RSU1: variants seen among roughly 807,000 people sequenced by gnomAD.
The protein encoded by RSU1 is Ras suppressor protein 1.
Under a neutral mutation model 31.1 loss-of-function variants are expected in RSU1, and 26 were observed. The observed-to-expected ratio is 0.84, with a 90% CI of 0.61 to 1.16. RSU1 has a LOEUF of 1.16. RSU1 is among the 50% of genes most tolerant of loss of function. The pLI is 0.00. For missense variants in RSU1, 320 were observed against 339.1 expected (o/e 0.94, Z 0.44); for synonymous variants, 164 against 136.3 (o/e 1.20, Z -1.41).
chr10:16,674,149 G>T (rs537575494), intron 8 of RSU1, among the ~76,000 whole-genome samples: 1 of 152,134 alleles, frequency 6.6e-6, no homozygotes, highest in East Asian at 1.9e-4. Flanking sequence ...GTCTGTTTTT[G>T]TTTTGTTCCC....
chr10:16,690,094 C>A (rs1835515034), intron 8 of RSU1, among the ~76,000 whole-genome samples: 1 of 152,170 alleles, frequency 6.6e-6, no homozygotes, highest in African/African-American at 2.4e-5. Context: ...CCCCCTTTCA[C>A]AAAGAATCTT....
At chr10:16,757,383 C>T (rs1837118319) in intron 4 of RSU1, among the ~76,000 whole-genome samples, 2 of 152,130 alleles carry the variant, frequency 1.3e-5, no homozygotes, top group South Asian at 2.1e-4. Flanking sequence ...TCACCAGAAA[C>T]AGCTGACAGC....
chr10:16,713,153 C>A (rs1216803662), intron 7 of RSU1, among the ~76,000 whole-genome samples: 1 of 152,094 alleles, frequency 6.6e-6, no homozygotes, highest in Non-Finnish European at 1.5e-5. Flanking sequence ...CTGTCTTTAA[C>A]TTTTGAGAGT....
At chr10:16,675,131 A>G (rs995706936) in intron 8 of RSU1, among the ~76,000 whole-genome samples, 5 of 146,868 alleles carry the variant, frequency 3.4e-5, no homozygotes, top group Admixed American at 2.1e-4. Context: ...GCTTGAATCC[A>G]GGAGGCGGAG....
chr10:16,792,962 T>A (rs1166587847), intron 2 of RSU1, among the ~76,000 whole-genome samples: 2 of 152,268 alleles, frequency 1.3e-5, no homozygotes, highest in African/African-American at 4.8e-5. Flanking sequence ...CCATGTCGCA[T>A]GGCTGAAGTT....
chr10:16,643,168 A>G (rs1478250434), intron 8 of RSU1, among the ~76,000 whole-genome samples: 1 of 152,206 alleles, frequency 6.6e-6, no homozygotes, highest in Non-Finnish European at 1.5e-5. Context: ...AGTAATGCCC[A>G]GCTATGGGGG....
intron 7 of RSU1, among the ~76,000 whole-genome samples, chr10:16,710,280 C>G (rs1680837534): frequency 6.6e-6 from 1 of 152,138 alleles, no homozygotes; most frequent in African/African-American, 2.4e-5. Flanking sequence ...GTTTTTGTCT[C>G]TTTTTGTTAA....
chr10:16,664,806 ACTT>A (rs1834957766), intron 8 of RSU1, among the ~76,000 whole-genome samples: 2 of 152,174 alleles, frequency 1.3e-5, no homozygotes, highest in African/African-American at 4.8e-5. Context: ...CCGGAAATAA[ACTT>A]CTCTTTACCA....
chr10:16,597,094 T>C (rs1045048170), intron 8 of RSU1, among the ~76,000 whole-genome samples: 5 of 151,844 alleles, frequency 3.3e-5, no homozygotes, highest in Non-Finnish European at 5.9e-5. Flanking sequence ...AATACCCGAG[T>C]GTAAGGAAAG....
intron 8 of RSU1, among the ~76,000 whole-genome samples, chr10:16,670,091 G>C (rs1835077883): frequency 6.6e-6 from 1 of 152,220 alleles, no homozygotes; most frequent in South Asian, 2.1e-4. Context: ...TCAGGCCCAT[G>C]TAGTGCAAAT....
At chr10:16,806,709 T>C (rs813601) in intron 2 of RSU1, among the ~76,000 whole-genome samples, 23,155 of 152,136 alleles carry the variant, frequency 0.15, 2,249 homozygotes, top group East Asian at 0.31. Context: ...ATAAATTACA[T>C]AGGCATCTTT....
intron 8 of RSU1, among the ~76,000 whole-genome samples, chr10:16,657,780 G>T (rs1392414245): frequency 6.6e-6 from 1 of 151,972 alleles, no homozygotes; most frequent in Admixed American, 6.6e-5. Flanking sequence ...ATCACTTGAG[G>T]CCAGGAATTC....
At chr10:16,765,229 C>T (rs545557842) in intron 3 of RSU1, among the ~76,000 whole-genome samples, 1 of 152,230 alleles carries the variant, frequency 6.6e-6, no homozygotes, top group South Asian at 2.1e-4. Context: ...AAGCTGTCCT[C>T]TTAACATTGC....
chr10:16,800,062 GA>G (rs1838119486), intron 2 of RSU1, among the ~76,000 whole-genome samples: 2 of 152,062 alleles, frequency 1.3e-5, no homozygotes, highest in Non-Finnish European at 2.9e-5. Context: ...AAAAGGGGAG[GA>G]AAACACAAGG....
At chr10:16,644,510 T>C (rs1588690967) in intron 8 of RSU1, among the ~76,000 whole-genome samples, 2 of 152,204 alleles carry the variant, frequency 1.3e-5, no homozygotes, top group Admixed American at 6.5e-5. Context: ...TAACAGACTT[T>C]ACATGTTACG....
intron 2 of RSU1, among the ~76,000 whole-genome samples, chr10:16,796,638 G>C (rs1264524599): frequency 6.6e-6 from 1 of 152,068 alleles, no homozygotes. Flanking sequence ...TTGAGTACCT[G>C]GTCTGCATCA....
At chr10:16,756,124 C>T (rs1647373540) in intron 4 of RSU1, among the ~76,000 whole-genome samples, 1 of 151,892 alleles carries the variant, frequency 6.6e-6, no homozygotes, top group African/African-American at 2.4e-5. Context: ...TGTTTTTGTT[C>T]TACAACTGCT....
At chr10:16,796,586 C>T (rs1838038141) in intron 2 of RSU1, among the ~76,000 whole-genome samples, 1 of 152,186 alleles carries the variant, frequency 6.6e-6, no homozygotes, top group Admixed American at 6.5e-5. Flanking sequence ...CACTGCTCAA[C>T]AAGTATGAAA....
intron 2 of RSU1, among the ~76,000 whole-genome samples, chr10:16,783,281 ATT>A (rs967409349): frequency 2.6e-5 from 4 of 151,076 alleles, no homozygotes; most frequent in African/African-American, 9.8e-5. Flanking sequence ...TAAGATAAAA[ATT>A]TTTCTCAGGA....
Sources: gnomAD v4.1 joint callset for allele counts (sites outside exome capture counted in the v4.1 genomes callset) on GRCh38, gnomAD v4.1.1 for gene constraint, MANE v1.5 for transcripts, NCBI Gene and HGNC (gene_info 2026-07-23, HGNC 2026-07-21) for gene names.